Variants in TOGARAM2 observed in about 807,000 individuals in gnomAD.
TOGARAM2 encodes TOG array regulator of axonemal microtubules 2.
Under a neutral mutation model 93.3 loss-of-function variants are expected in TOGARAM2, and 85 were observed. The ratio of observed to expected loss-of-function variants is 0.91; its 90% CI spans 0.76 to 1.09. TOGARAM2 has a LOEUF of 1.09. Among genes scored for constraint, TOGARAM2 ranks in the 50% least tolerant of loss-of-function variants. The probability of loss-of-function intolerance (pLI) is 0.00; values close to 1 mark genes in which losing one functional copy is unlikely to be tolerated. For synonymous variants in TOGARAM2, 593 were observed against 552.8 expected (o/e 1.07, Z -1.02); for missense variants, 1,277 against 1,334.5 (o/e 0.96, Z 0.67).
chr2:28,970,094 AGCCACCGT>A lies in TOGARAM2; in HGVS notation c.-147+13401_-147+13408del, dbSNP rs559595489. 1.5e-3 allele frequency among the ~76,000 whole-genome samples: 231 copies of A among 152,312 alleles called. 2 individuals are homozygous for A. Among genetic ancestry groups the A allele is most frequent in the Non-Finnish European group, 1.3e-3 (88 of 68,030 alleles). ...CCAAAGTGCTAGGATTACAGGCATGAGCCACCGTGCCCGACATCGGTTGTCTTGTATAC... is the reference window on the plus strand; with the variant it reads ...CCAAAGTGCTAGGATTACAGGCATGAGCCCGACATCGGTTGTCTTGTATAC... On this transcript the variant is annotated intron_variant, in intron 1 of 6. Coordinates refer to the TOGARAM2 transcript ENST00000401723.
chr2:29,023,569 C>T (rs1383416041), intron 12 of TOGARAM2, among the ~76,000 whole-genome samples: 2 of 152,140 alleles, frequency 1.3e-5, no homozygotes, highest in African/African-American at 4.8e-5. Flanking sequence ...CTAGCTGGGT[C>T]CAGAGAGGCA....
chr2:29,000,179 C>T (rs1184912787), intron 4 of TOGARAM2, among the ~76,000 whole-genome samples: 1 of 152,098 alleles, frequency 6.6e-6, no homozygotes, highest in Non-Finnish European at 1.5e-5. Flanking sequence ...TTGTCAGCTC[C>T]AAGAGGGCAG....
In TOGARAM2 at chr2:28,999,347, G is replaced by A; in HGVS notation, c.306G>A (p.Gln102=). 6.2e-7 allele frequency: 1 copy of A among 1,613,664 alleles called. No individual in the cohort carries two copies. The highest frequency in any genetic ancestry group is 8.5e-7 in the Non-Finnish European group (1 of 1,179,780). ...TCAGGGCCTTGTCTTTGGGGGACCA[G>A]CCCCTGGTGCTCCTCCCTTCTCCGG... ...RNLRALSLGD[Q]PLVLLPSPES... is the part of the protein sequence containing the mutation. Residue 102 remains glutamine (Q), a synonymous_variant, in exon 4 of 20, where the codon CAG becomes CAA. Coordinates refer to ENST00000379558, the MANE Select transcript of TOGARAM2 (RefSeq NM_199280.4).
intron 1 of TOGARAM2, among the ~76,000 whole-genome samples, chr2:28,993,953 C>T (rs979893514): frequency 6.6e-6 from 1 of 152,238 alleles, no homozygotes; most frequent in Non-Finnish European, 1.5e-5. Flanking sequence ...CTGTGGGCTT[C>T]ACCCCTGGTC....
Position 29,003,581 on chromosome 2 carries a change from C to T in TOGARAM2, c.729C>T (p.Ala243=). ...GAIVIPPIPK[A]RTVAATPSRV... ...TCGTGATCCCACCCATCCCAAAGGC[C>T]AGGACGGTTGCAGCGACCCCCTCCC... Residue 243 remains alanine, a synonymous_variant, in exon 6 of 20, where the codon GCC becomes GCT. Transcript: ENST00000379558. 1 of 1,596,918 alleles carries T rather than the reference C, an allele frequency of 6.3e-7. No homozygotes were observed. Among genetic ancestry groups the T allele is most frequent in the Non-Finnish European group, 8.5e-7 (1 of 1,172,480 alleles).
intron 18 of TOGARAM2, among the ~76,000 whole-genome samples, chr2:29,038,287 A>C (rs973622284): frequency 3.2e-4 from 48 of 151,792 alleles, no homozygotes; most frequent in African/African-American, 1.1e-3. Context: ...CTGATAATGT[A>C]CCCTCTGGTT....
At chr2:28,989,769 A>G (rs1000171842) in intron 1 of TOGARAM2, among the ~76,000 whole-genome samples, 3 of 152,204 alleles carry the variant, frequency 2.0e-5, no homozygotes, top group Non-Finnish European at 4.4e-5. Flanking sequence ...AACTCAAGCG[A>G]TCAGACAGCC....
At chr2:29,009,628 A>G (rs1021434073) in intron 6 of TOGARAM2, among the ~76,000 whole-genome samples, 2 of 152,106 alleles carry the variant, frequency 1.3e-5, no homozygotes, top group Non-Finnish European at 2.9e-5. Context: ...GGCTTCAGCC[A>G]CTGGACAGAT....
intron 10 of TOGARAM2, 150 bp downstream of exon 10, chr2:29,018,106 C>A: frequency 1.1e-6 from 1 of 914,196 alleles, no homozygotes; most frequent in Non-Finnish European, 1.6e-6. Flanking sequence ...GGTTGCCTTG[C>A]CAGAGAGAGA....
At position 29,017,802 on chromosome 2, in the gene TOGARAM2, C is replaced by A; in HGVS notation, c.1206C>A (p.Pro402=). Residue 402 remains proline (P), a synonymous_variant, in exon 10 of 20, where the codon CCC becomes CCA. Coordinates refer to ENST00000379558, the MANE Select transcript of TOGARAM2 (RefSeq NM_199280.4). The stretch of plus-strand genomic sequence containing the variant: ...TCTCTGTGTCCACAGGCCTCCTTCC[C>A]CTCCGGGGCAGCGGGACACTGTCTG... The part of the protein sequence containing the change: ...QRAFMKEGLL[P]LRGSGTLSVP... 1 of 1,609,320 alleles carries A rather than the reference C, an allele frequency of 6.2e-7. No individual in the cohort carries two copies. The highest frequency in any genetic ancestry group is 2.2e-5 in the East Asian group (1 of 44,594).
chr2:29,020,440 C>T (rs1159744082), intron 10 of TOGARAM2, among the ~76,000 whole-genome samples: 1 of 152,194 alleles, frequency 6.6e-6, no homozygotes, highest in Non-Finnish European at 1.5e-5. Context: ...GAGCTCAGCT[C>T]AGGATCTGTT....
chr2:28,971,783 T>C (rs1211366212), intron 1 of TOGARAM2, among the ~76,000 whole-genome samples: 1 of 152,218 alleles, frequency 6.6e-6, no homozygotes, highest in African/African-American at 2.4e-5. Flanking sequence ...CTGATTTTTC[T>C]TGATGGTTCT....
intron 1 of TOGARAM2, among the ~76,000 whole-genome samples, chr2:28,965,883 T>A (rs998906433): frequency 6.6e-6 from 1 of 152,196 alleles, no homozygotes; most frequent in Non-Finnish European, 1.5e-5. Flanking sequence ...GTTACCCTTC[T>A]CTTAGGAATT....
At chr2:28,987,035 G>C (rs1463354198) in intron 1 of TOGARAM2, among the ~76,000 whole-genome samples, 1 of 152,162 alleles carries the variant, frequency 6.6e-6, no homozygotes, top group Non-Finnish European at 1.5e-5. Context: ...TCCGTGAACA[G>C]AAACCATCAG....
chr2:29,003,588 G>A lies in TOGARAM2; in HGVS notation c.736G>A (p.Val246Ile). Residue 246 changes from valine to isoleucine, a missense_variant, in exon 6 of 20, where the codon GTT (valine) becomes ATT (isoleucine). Val to Ile is a conservative substitution (Grantham distance 29, BLOSUM62 3). Coordinates refer to ENST00000379558, the MANE Select transcript of TOGARAM2 (RefSeq NM_199280.4). ...VIPPIPKART[V>I]AATPSRVPGS... ...CCCACCCATCCCAAAGGCCAGGACG[G>A]TTGCAGCGACCCCCTCCCGTGTGCC... The A allele has an allele frequency of 6.3e-7, 1 of 1,595,778 alleles. No homozygotes were observed. Among genetic ancestry groups the A allele is most frequent in the South Asian group, 1.1e-5 (1 of 87,564 alleles).
rs866439644 is a variant in TOGARAM2 at position 29,029,710 on chromosome 2, C to G, written c.2012+2699C>G. Among the ~76,000 whole-genome samples the G allele has an allele frequency of 5.5e-5, 8 of 146,148 alleles. 1 individual carries two copies. Among genetic ancestry groups the G allele is most frequent in the Admixed American group, 2.1e-4 (3 of 14,044 alleles). On this transcript the variant is annotated intron_variant, in intron 14 of 19. Coordinates refer to ENST00000379558, the MANE Select transcript of TOGARAM2 (RefSeq NM_199280.4). ...GGCGGAGCTTGCAGTGAACCGAGAT[C>G]GCGCCACTGCACTCCAGCCTGGGCG...
intron 6 of TOGARAM2, among the ~76,000 whole-genome samples, chr2:29,007,288 G>A (rs1208190643): frequency 1.3e-5 from 2 of 152,136 alleles, no homozygotes; most frequent in Non-Finnish European, 2.9e-5. Context: ...GAGAGACAGG[G>A]AGGTTGTGCC....
intron 1 of TOGARAM2, among the ~76,000 whole-genome samples, chr2:28,982,505 A>G (rs76602054): frequency 0.034 from 5,122 of 152,270 alleles, 121 homozygotes; most frequent in Non-Finnish European, 0.053. Flanking sequence ...AATGCCCTGC[A>G]GGAGACGGCC....
chr2:29,030,216 C>T (rs1171618280), intron 14 of TOGARAM2, among the ~76,000 whole-genome samples: 3 of 151,924 alleles, frequency 2.0e-5, no homozygotes, highest in Non-Finnish European at 2.9e-5. Context: ...GCACTGGTTG[C>T]GGTGAGCTGA....
Sources: gnomAD v4.1 joint callset for allele counts (sites outside exome capture counted in the v4.1 genomes callset) on GRCh38, gnomAD v4.1.1 for gene constraint, MANE v1.5 for transcripts, NCBI Gene and HGNC (gene_info 2026-07-23, HGNC 2026-07-21) for gene names.